The following CPQ variants were observed in gnomAD, a reference collection of about 807,000 sequenced individuals.
CPQ encodes Ser-Met dipeptidase.
A neutral mutation model predicts 45.7 loss-of-function variants in CPQ; 37 were observed. That is an observed-to-expected ratio of 0.81 (90% CI 0.62 to 1.07). The LOEUF (loss-of-function observed/expected upper bound fraction) is 1.07, where lower values mean the gene tolerates loss of function less well. CPQ is among the 50% of genes least tolerant of loss of function. The pLI is 0.00. For missense variants in CPQ, 537 were observed against 572.9 expected (o/e 0.94, Z 0.64); for synonymous variants, 186 against 205.8 (o/e 0.90, Z 0.82).
chr8:97,117,086 A>G (rs759394676), intron 7 of CPQ, among the ~76,000 whole-genome samples: 8 of 152,246 alleles, frequency 5.3e-5, no homozygotes, highest in African/African-American at 1.7e-4. Context: ...ATTTTCACCA[A>G]TGAGTGGGAA....
At chr8:96,800,097 T>A (rs1338438150) in intron 2 of CPQ, among the ~76,000 whole-genome samples, 1 of 152,158 alleles carries the variant, frequency 6.6e-6, no homozygotes, top group African/African-American at 2.4e-5. Context: ...AGAGAAGATA[T>A]TAGCACTGTC....
intron 1 of CPQ, among the ~76,000 whole-genome samples, chr8:96,780,613 A>T (rs1283264787): frequency 6.6e-6 from 1 of 152,192 alleles, no homozygotes; most frequent in Non-Finnish European, 1.5e-5. Context: ...AACTTAAGTC[A>T]TTAAAATCAA....
chr8:97,029,301 G>C, intron 5 of CPQ, 102 bp from the exon 6 acceptor site: 2 of 1,149,750 alleles, frequency 1.7e-6, no homozygotes, highest in Non-Finnish European at 2.5e-6. Flanking sequence ...GAATGCCTCT[G>C]ATTTCCTCCT....
intron 1 of CPQ, among the ~76,000 whole-genome samples, chr8:96,732,130 T>G (rs1809921188): frequency 6.6e-6 from 1 of 152,118 alleles, no homozygotes; most frequent in Non-Finnish European, 1.5e-5. Flanking sequence ...TGGTGTAAAA[T>G]CTATTACAGG....
chr8:96,750,044 G>A (rs1810238137), intron 1 of CPQ, among the ~76,000 whole-genome samples: 1 of 151,802 alleles, frequency 6.6e-6, no homozygotes, highest in South Asian at 2.1e-4. Flanking sequence ...AAGGAAAGGG[G>A]TATATGATGT....
intron 4 of CPQ, among the ~76,000 whole-genome samples, chr8:96,923,707 G>A (rs1363140690): frequency 6.6e-6 from 1 of 152,148 alleles, no homozygotes; most frequent in Non-Finnish European, 1.5e-5. Context: ...TTTCAGTTTG[G>A]TTATTCAAAG....
intron 7 of CPQ, among the ~76,000 whole-genome samples, chr8:97,102,168 A>G (rs1418131907): frequency 1.3e-5 from 2 of 152,044 alleles, no homozygotes; most frequent in Non-Finnish European, 2.9e-5. Context: ...ATAAAAATGC[A>G]CTCAAACTGA....
chr8:96,941,219 T>C (rs1178684176), intron 4 of CPQ, among the ~76,000 whole-genome samples: 1 of 152,086 alleles, frequency 6.6e-6, no homozygotes, highest in Non-Finnish European at 1.5e-5. Context: ...TTATATAACT[T>C]TGAAATCAGA....
chr8:97,062,851 C>T (rs1223235166), intron 6 of CPQ, among the ~76,000 whole-genome samples: 3 of 152,198 alleles, frequency 2.0e-5, no homozygotes, highest in African/African-American at 7.2e-5. Flanking sequence ...ATATGTACCA[C>T]ATTTCCTTTA....
intron 7 of CPQ, among the ~76,000 whole-genome samples, chr8:97,138,034 T>C (rs1373221683): frequency 1.3e-5 from 2 of 152,232 alleles, no homozygotes; most frequent in South Asian, 2.1e-4. Flanking sequence ...ACCTTCGTAG[T>C]TGTTCACACA....
intron 7 of CPQ, among the ~76,000 whole-genome samples, chr8:97,088,698 T>A (rs1397300872): frequency 6.6e-6 from 1 of 152,196 alleles, no homozygotes; most frequent in Non-Finnish European, 1.5e-5. Flanking sequence ...TTTATTAGTT[T>A]CTAGGAGATT....
chr8:97,074,008 C>T (rs1224505794), intron 7 of CPQ, among the ~76,000 whole-genome samples: 1 of 152,162 alleles, frequency 6.6e-6, no homozygotes, highest in Non-Finnish European at 1.5e-5. Context: ...CAAACAGAAA[C>T]CACTGGGTAT....
At chr8:97,108,330 G>C (rs1035673525) in intron 7 of CPQ, among the ~76,000 whole-genome samples, 29 of 152,174 alleles carry the variant, frequency 1.9e-4, no homozygotes, top group Admixed American at 1.5e-3. Context: ...ATAACAGGCA[G>C]CTCCTACTGG....
At chr8:97,134,804 A>G (rs905497625) in intron 7 of CPQ, among the ~76,000 whole-genome samples, 1 of 152,210 alleles carries the variant, frequency 6.6e-6, no homozygotes, top group Non-Finnish European at 1.5e-5. Flanking sequence ...TCTATTTTCC[A>G]TCTGTTAAAG....
intron 4 of CPQ, among the ~76,000 whole-genome samples, chr8:96,888,504 G>A (rs1025660473): frequency 1.8e-4 from 27 of 152,184 alleles, no homozygotes; most frequent in African/African-American, 1.9e-4. Flanking sequence ...GCAACAAGAC[G>A]TCATGGAAGC....
chr8:96,741,318 A>G (rs186166235), intron 1 of CPQ, among the ~76,000 whole-genome samples: 49 of 152,168 alleles, frequency 3.2e-4, no homozygotes, highest in African/African-American at 1.1e-3. Context: ...ATGGGTGGTG[A>G]TATCCCCTTT....
At chr8:97,131,458 A>G (rs752143451) in intron 7 of CPQ, among the ~76,000 whole-genome samples, 16 of 152,224 alleles carry the variant, frequency 1.1e-4, no homozygotes, top group Non-Finnish European at 2.1e-4. Flanking sequence ...ATTTTTAGAT[A>G]GGATTTTTTA....
intron 1 of CPQ, among the ~76,000 whole-genome samples, chr8:96,692,262 C>A (rs936005690): frequency 1.3e-5 from 2 of 152,170 alleles, no homozygotes; most frequent in African/African-American, 4.8e-5. Flanking sequence ...TTGTACCTTG[C>A]TTGTAGGTGT....
chr8:96,852,571 T>TTC (rs776122317), intron 3 of CPQ, among the ~76,000 whole-genome samples: 2 of 152,200 alleles, frequency 1.3e-5, no homozygotes, highest in African/African-American at 4.8e-5. Flanking sequence ...TCCTGCTTAT[T>TTC]TCTCTCTCTT....
Sources: gnomAD v4.1 joint callset for allele counts (sites outside exome capture counted in the v4.1 genomes callset) on GRCh38, gnomAD v4.1.1 for gene constraint, MANE v1.5 for transcripts, NCBI Gene and HGNC (gene_info 2026-07-23, HGNC 2026-07-21) for gene names.